Variants in NTF3 observed in about 807,000 individuals in gnomAD.
NTF3 encodes the protein neurotrophin-3.
A neutral mutation model predicts 26.3 loss-of-function variants in NTF3; 8 were observed. The observed-to-expected ratio is 0.30, with a 90% CI of 0.18 to 0.55. The LOEUF (loss-of-function observed/expected upper bound fraction) is 0.55. NTF3 is among the 20% of genes least tolerant of loss of function. The pLI is 0.93. For synonymous variants in NTF3, 154 were observed against 145.5 expected (o/e 1.06, Z -0.42); for missense variants, 276 against 352.9 (o/e 0.78, Z 1.75).
chr12:5,446,622 G>A (rs909453608), intron 1 of NTF3, among the ~76,000 whole-genome samples: 1 of 152,154 alleles, frequency 6.6e-6, no homozygotes, highest in Non-Finnish European at 1.5e-5. Flanking sequence ...CAGAGAAGGA[G>A]GCTAAAAAAA....
chr12:5,490,590 C>T (rs112055775), intron 1 of NTF3, among the ~76,000 whole-genome samples: 1,830 of 152,304 alleles, frequency 0.012, 14 homozygotes, highest in Non-Finnish European at 0.018. Context: ...ACTCCCACCC[C>T]GGACATGGAG....
In NTF3 at chr12:5,433,993, C is replaced by G. The variant is rs1390203716; in HGVS notation, c.18+1651C>G. Among the ~76,000 whole-genome samples the G allele has an allele frequency of 6.6e-6, 1 of 152,124 alleles. No homozygotes were observed. Among genetic ancestry groups the G allele is most frequent in the African/African-American group, 2.4e-5 (1 of 41,398 alleles). ...CGCTCCTACCCCGCAAAACAGCGAA[C>G]GAGGAGAACATGGAAGCGCTCTGTC... On this transcript the variant is annotated intron_variant, in intron 1 of 1. Transcript: ENST00000423158. The surrounding 1 kb of genome is among the most constrained non-coding windows in gnomAD (Gnocchi z 4.6).
At chr12:5,460,771 T>C (rs1940514966) in intron 1 of NTF3, among the ~76,000 whole-genome samples, 1 of 152,220 alleles carries the variant, frequency 6.6e-6, no homozygotes, top group Non-Finnish European at 1.5e-5. Context: ...AACCAGCAGC[T>C]CTGTAAGACT....
chr12:5,454,722 C>T (rs1940415815), intron 1 of NTF3, among the ~76,000 whole-genome samples: 1 of 152,242 alleles, frequency 6.6e-6, no homozygotes, highest in African/African-American at 2.4e-5. Flanking sequence ...CTGCTTTGCT[C>T]TTCCAACAAT....
intron 1 of NTF3, among the ~76,000 whole-genome samples, chr12:5,483,199 A>ATCTCTCTCTC (rs144003087): frequency 6.9e-4 from 93 of 134,502 alleles, no homozygotes; most frequent in African/African-American, 2.6e-3. Flanking sequence ...CTCTCTTTCT[A>ATCTCTCTCTC]TCTCTCTCTC....
intron 1 of NTF3, among the ~76,000 whole-genome samples, chr12:5,436,238 T>TA (rs1940166860): frequency 6.6e-6 from 1 of 152,198 alleles, no homozygotes; most frequent in Non-Finnish European, 1.5e-5. Flanking sequence ...GGGAGGACTT[T>TA]ATTTGACTCA....
chr12:5,430,989 TC>T (rs1297851253), upstream of NTF3, among the ~76,000 whole-genome samples: 1 of 151,554 alleles, frequency 6.6e-6, no homozygotes, highest in Non-Finnish European at 1.5e-5. Flanking sequence ...GTGGTATTTT[TC>T]CCCCTTCTCT....
intron 1 of NTF3, among the ~76,000 whole-genome samples, chr12:5,439,678 T>C (rs139134694): frequency 6.6e-6 from 1 of 152,342 alleles, no homozygotes; most frequent in East Asian, 1.9e-4. Flanking sequence ...ATTGCCTCCT[T>C]GTAAACTCTA....
Position 5,437,476 on chromosome 12 carries a change from G to A in NTF3, c.18+5134G>A, listed in dbSNP as rs75044998. 7.7e-3 allele frequency among the ~76,000 whole-genome samples: 1,169 copies of A among 152,264 alleles called. 9 individuals carry two copies. The highest frequency in any genetic ancestry group is 0.026 in the African/African-American group (1,077 of 41,520). ...TTTCCCTACATTCAGGATGCCTGACGGAGCAGGCGGCTTCTGCTACAAGCT... is the reference window on the plus strand; with the variant it reads ...TTTCCCTACATTCAGGATGCCTGACAGAGCAGGCGGCTTCTGCTACAAGCT... On this transcript the variant is annotated intron_variant, in intron 1 of 1. Coordinates refer to ENST00000423158, the MANE Select transcript of NTF3 (RefSeq NM_001102654.2).
At chr12:5,482,171 A>AGC (rs1444500505) in intron 1 of NTF3, among the ~76,000 whole-genome samples, 1 of 151,950 alleles carries the variant, frequency 6.6e-6, no homozygotes, top group Non-Finnish European at 1.5e-5. Flanking sequence ...TGCGTACACG[A>AGC]GCGCGCACAC....
intron 1 of NTF3, among the ~76,000 whole-genome samples, chr12:5,480,618 C>T (rs1026799723): frequency 6.6e-6 from 1 of 152,174 alleles, no homozygotes; most frequent in South Asian, 2.1e-4. Flanking sequence ...AACCTGATCC[C>T]AGTCCCTGCT....
At chr12:5,451,695 T>C (rs1940374796) in intron 1 of NTF3, among the ~76,000 whole-genome samples, 1 of 152,236 alleles carries the variant, frequency 6.6e-6, no homozygotes, top group Admixed American at 6.5e-5. Context: ...TTTTTTACTT[T>C]AATGTAATTT....
chr12:5,479,805 A>T (rs12319650), intron 1 of NTF3, among the ~76,000 whole-genome samples: 14 of 152,164 alleles, frequency 9.2e-5, no homozygotes, highest in African/African-American at 3.1e-4. Flanking sequence ...CCGATGGCTC[A>T]GCCATATATG....
chr12:5,464,845 G>T (rs10849274), intron 1 of NTF3, among the ~76,000 whole-genome samples: 31,785 of 152,074 alleles, frequency 0.21, 3,425 homozygotes, highest in Non-Finnish European at 0.22. Flanking sequence ...CCAGGGTTGG[G>T]GGGTAGAGAT....
intron 1 of NTF3, among the ~76,000 whole-genome samples, chr12:5,435,241 C>T (rs561205409): frequency 9.8e-5 from 15 of 152,318 alleles, no homozygotes; most frequent in Middle Eastern, 3.4e-3. Context: ...TTCACTATCA[C>T]CAGTTCATAT....
chr12:5,432,985 C>G (rs1025993845), intron 1 of NTF3: 3 of 152,288 alleles, frequency 2.0e-5, no homozygotes, highest in Admixed American at 6.5e-5. Flanking sequence ...GGGGAGGGGA[C>G]GCGCAGCTCA....
At position 5,494,383 on chromosome 12, in the gene NTF3, G is replaced by A. The variant is rs1418243403; in HGVS notation, c.208G>A (p.Glu70Lys). 2 of 1,613,688 alleles carry A rather than the reference G, an allele frequency of 1.2e-6. No homozygotes were observed. Among genetic ancestry groups the A allele is most frequent in the African/African-American group, 1.3e-5 (1 of 74,894 alleles). Residue 70 changes from glutamate (E) to lysine (K), a missense_variant, in exon 2 of 2, where the codon GAA (glutamate) becomes AAA (lysine). Physicochemically the swap from Glu to Lys is moderately conservative, Grantham distance 56. Around this residue, in one of 3 missense-constraint regions of NTF3, gnomAD observed 221 missense variants for 258.2 expected, o/e 0.86. Coordinates refer to ENST00000423158, the MANE Select transcript of NTF3 (RefSeq NM_001102654.2). The surrounding 1 kb of genome is among the most constrained non-coding windows in gnomAD (Gnocchi z 8.3). Reference protein sequence around the residue: ...KLSKQMVDVKENYQSTLPKAE... With the variant: ...KLSKQMVDVKKNYQSTLPKAE... ...CTCCAAGCAGATGGTGGACGTTAAG[G>A]AAAATTACCAGAGCACCCTGCCCAA...
intron 1 of NTF3, among the ~76,000 whole-genome samples, chr12:5,436,075 G>T (rs530325677): frequency 6.6e-6 from 1 of 152,226 alleles, no homozygotes; most frequent in African/African-American, 2.4e-5. Flanking sequence ...CAAAGGTGTC[G>T]TTGATCGGGT....
At chr12:5,481,529 G>GAATAACACCACAC (rs1940797563) in intron 1 of NTF3, among the ~76,000 whole-genome samples, 1 of 12,652 alleles carries the variant, frequency 7.9e-5, no homozygotes, top group Non-Finnish European at 1.9e-4. Context: ...CACACACACA[G>GAATAACACCACAC]ACACATTCAC....
Sources: gnomAD v4.1 joint callset for allele counts (sites outside exome capture counted in the v4.1 genomes callset) on GRCh38, gnomAD v4.1.1 for gene constraint, gnomAD v4.1.1 regional missense constraint, Gnocchi (gnomAD v3.1) non-coding constraint, MANE v1.5 for transcripts, NCBI Gene and HGNC (gene_info 2026-07-23, HGNC 2026-07-21) for gene names.